The following AOPEP variants were observed in gnomAD, a reference collection of about 807,000 sequenced individuals.
The protein encoded by AOPEP is aminopeptidase O.
AOPEP carries 77 observed loss-of-function variants against 98.1 expected under a neutral mutation model. The ratio of observed to expected loss-of-function variants is 0.78; its 90% CI spans 0.65 to 0.95. AOPEP has a LOEUF of 0.95. Among genes scored for constraint, AOPEP ranks in the 40% least tolerant of loss-of-function variants. AOPEP has a pLI of 0.00. For missense variants in AOPEP, 1,024 were observed against 1,024.7 expected, an observed-to-expected ratio of 1.00 and a Z score of 0.01; for synonymous variants, 346 against 365.3, an observed-to-expected ratio of 0.95 and a Z score of 0.60.
At chr9:95,115,365 C>T in the AOPEP span, among the ~76,000 whole-genome samples, 2 of 152,186 alleles carry the variant, frequency 1.3e-5, no homozygotes, top group Non-Finnish European at 2.9e-5. Context: ...ACACACTCCT[C>T]CATCACTAAT....
intron 1 of AOPEP, among the ~76,000 whole-genome samples, chr9:94,759,297 A>G (rs1280015062): frequency 6.6e-6 from 1 of 152,230 alleles, no homozygotes; most frequent in Non-Finnish European, 1.5e-5. Context: ...TTGATGCACA[A>G]AATTAGAAGG....
chr9:94,870,709 C>T (rs907243709), intron 5 of AOPEP, among the ~76,000 whole-genome samples: 1 of 152,124 alleles, frequency 6.6e-6, no homozygotes, highest in Non-Finnish European at 1.5e-5. Context: ...GTGACATTTG[C>T]GGATAGTGAA....
chr9:94,769,121 CTA>C (rs1840295236), intron 2 of AOPEP, among the ~76,000 whole-genome samples: 1 of 152,146 alleles, frequency 6.6e-6, no homozygotes, highest in Non-Finnish European at 1.5e-5. Context: ...TCTGGAGTCA[CTA>C]TGTAGTGGGT....
chr9:94,923,841 G>A lies in AOPEP; in HGVS notation c.1365-145G>A, dbSNP rs1588906843. 6.5e-6 allele frequency: 3 copies of A among 462,340 alleles called. No homozygotes were observed. In the East Asian group the frequency reaches 1.1e-4, roughly 16 times the overall value. The allele number at this position is 462,340 out of a possible 1,614,324, so 28.6% of individuals were successfully genotyped here. A position where few individuals can be genotyped will look rare whatever the true frequency, so the allele number is the denominator to read the frequency against. On this transcript the variant is annotated intron_variant, in intron 5 of 16. Transcript: ENST00000375315. Reference sequence around the variant, plus strand: ...ACTGCCACTTTATTTATGTCTGAAAGCATCTAAGCCGCAAGCCTATCTGTC... The same window carrying A: ...ACTGCCACTTTATTTATGTCTGAAAACATCTAAGCCGCAAGCCTATCTGTC...
the AOPEP span, chr9:95,123,343 TA>T: frequency 2.9e-6 from 1 of 341,806 alleles, no homozygotes; most frequent in Non-Finnish European, 5.6e-6. Flanking sequence ...ATTGTTGCTT[TA>T]AAAAGCAGAA....
intron 7 of AOPEP, among the ~76,000 whole-genome samples, chr9:94,929,014 C>T (rs772124516): frequency 4.6e-5 from 7 of 152,178 alleles, no homozygotes; most frequent in African/African-American, 1.7e-4. Flanking sequence ...GATTCCATGG[C>T]CAGCTCCTGA....
the AOPEP span, chr9:95,114,299 C>G: frequency 5.4e-6 from 2 of 372,672 alleles, no homozygotes; most frequent in Non-Finnish European, 1.0e-5. Context: ...GAGGGGTTCC[C>G]AGCAGGTGGG....
chr9:94,804,361 A>G (rs1312636219), intron 5 of AOPEP, among the ~76,000 whole-genome samples: 2 of 152,192 alleles, frequency 1.3e-5, no homozygotes, highest in Admixed American at 6.5e-5. Context: ...TCGTCCATAT[A>G]TGTTCTTTTT....
In AOPEP at chr9:95,083,096, TC is replaced by T. The variant is rs377393816; in HGVS notation, c.*4+378del. 8.7e-4 allele frequency: 180 copies of T among 207,506 alleles called. 1 individual carries two copies. In the South Asian group the frequency reaches 0.015, roughly 17 times the overall value. The allele number at this position is 207,506 out of a possible 1,614,324, so 12.9% of individuals were successfully genotyped here. A position where few individuals can be genotyped will look rare whatever the true frequency, so the allele number is the denominator to read the frequency against. On this transcript the variant is annotated intron_variant, in intron 16 of 16. Coordinates refer to ENST00000375315, the MANE Select transcript of AOPEP (RefSeq NM_001193329.3). ...CCTGGCAGAAGCGCTGGTCCAGTCT[TC>T]AGGGTCACGGCTGATACAGGAGTTT...
chr9:94,867,789 G>C (rs1219364926), intron 5 of AOPEP, among the ~76,000 whole-genome samples: 11 of 152,102 alleles, frequency 7.2e-5, no homozygotes, highest in Admixed American at 7.2e-4. Flanking sequence ...GGAATATCAG[G>C]GAACATTTCT....
the AOPEP span, among the ~76,000 whole-genome samples, chr9:95,103,082 C>T: frequency 0.012 from 1,877 of 152,224 alleles, 35 homozygotes; most frequent in African/African-American, 0.037. Flanking sequence ...ATCAAGGAAA[C>T]AATGTGAGCC....
At chr9:95,091,345 G>T (rs745625882), downstream of AOPEP, among the ~76,000 whole-genome samples, 1 of 152,182 alleles carries the variant, frequency 6.6e-6, no homozygotes, top group Non-Finnish European at 1.5e-5. Context: ...CTCTGGGTGC[G>T]CAGGGCCCAC....
chr9:94,804,800 A>G (rs556063862), intron 5 of AOPEP, among the ~76,000 whole-genome samples: 4 of 152,370 alleles, frequency 2.6e-5, no homozygotes, highest in Admixed American at 6.5e-5. Flanking sequence ...ATTAAGATGT[A>G]TGCTATGAAG....
chr9:95,086,808 A>C lies in AOPEP; in HGVS notation c.*131A>C. 1.0e-6 allele frequency: 1 copy of C among 987,662 alleles called. No individual in the cohort carries two copies. The highest frequency in any genetic ancestry group is 1.2e-6 in the Non-Finnish European group (1 of 830,016). 61.2% of individuals were successfully genotyped at this position (987,662 alleles called of 1,614,324 possible). A position where few individuals can be genotyped will look rare whatever the true frequency, so the allele number is the denominator to read the frequency against. ...GCCATCGGCCCACAGCCCTGTTCAC[A>C]TCTTGGTGCTTCTCTTTCCCAGAGG... On this transcript the variant is annotated 3_prime_UTR_variant, in exon 17 of 17. Coordinates refer to ENST00000375315, the MANE Select transcript of AOPEP (RefSeq NM_001193329.3).
At chr9:95,033,798 TAAG>T (rs942372826) in intron 13 of AOPEP, among the ~76,000 whole-genome samples, 25 of 152,278 alleles carry the variant, frequency 1.6e-4, no homozygotes, top group Admixed American at 1.4e-3. Context: ...ATTATAGAAA[TAAG>T]AGTATGAAAT....
At chr9:94,775,980 AAAAT>A (rs147381559) in intron 3 of AOPEP, among the ~76,000 whole-genome samples, 5,668 of 151,656 alleles carry the variant, frequency 0.037, 328 homozygotes, top group African/African-American at 0.13. Context: ...CTCCATCTCA[AAAAT>A]AAATAAATAA....
Position 95,016,245 on chromosome 9 carries a change from A to ATTT in AOPEP, c.2115+10646_2115+10648dup, listed in dbSNP as rs532120566. Among the ~76,000 whole-genome samples the ATTT allele has an allele frequency of 2.8e-4, 35 of 123,628 alleles. 1 individual carries two copies. The highest frequency in any genetic ancestry group is 7.2e-4 in the African/African-American group (23 of 32,076). The allele number at this position is 123,628 out of a possible 152,430, so 81.1% of individuals were successfully genotyped here. On this transcript the variant is annotated intron_variant, in intron 13 of 16. Coordinates refer to ENST00000375315, the MANE Select transcript of AOPEP (RefSeq NM_001193329.3). ...TTATTCAAAGTTTCCTTCTCTTGTG[A>ATTT]TTTTTTTTTTTTTTTTTTTGAAACG...
At chr9:94,912,060 C>T (rs992308351) in intron 5 of AOPEP, among the ~76,000 whole-genome samples, 6 of 152,042 alleles carry the variant, frequency 3.9e-5, no homozygotes, top group African/African-American at 1.2e-4. Context: ...GACCTGTGTC[C>T]GACTTCTGAC....
chr9:95,034,030 A>G (rs1357065234), intron 13 of AOPEP, among the ~76,000 whole-genome samples: 1 of 152,198 alleles, frequency 6.6e-6, no homozygotes, highest in Admixed American at 6.5e-5. Context: ...GAGGTCATTG[A>G]TGATGACAGA....
Sources: allele counts gnomAD v4.1 joint callset (sites outside exome capture counted in the v4.1 genomes callset), GRCh38; gene constraint gnomAD v4.1.1; transcripts MANE v1.5; gene names NCBI Gene and HGNC (gene_info 2026-07-23, HGNC 2026-07-21).